KLRB1: variants seen among roughly 807,000 people sequenced by gnomAD.
KLRB1 encodes the protein killer cell lectin-like receptor subfamily B member 1.
Under a neutral mutation model 33.5 loss-of-function variants are expected in KLRB1, and 27 were observed. The observed-to-expected ratio is 0.81, with a 90% CI of 0.59 to 1.11. The LOEUF is 1.11. Ranked by LOEUF, KLRB1 falls within the 50% of genes most tolerant of loss-of-function variation. KLRB1 has a pLI of 0.00. For synonymous variants in KLRB1, 64 were observed against 88.9 expected, an observed-to-expected ratio of 0.72 and a Z score of 1.58; for missense variants, 241 against 254.1, an observed-to-expected ratio of 0.95 and a Z score of 0.35.
Position 9,598,686 on chromosome 12 carries a change from T to C in KLRB1, c.260-33A>G, listed in dbSNP as rs1332812839. 7 of 1,531,262 alleles carry C rather than the reference T, an allele frequency of 4.6e-6. No homozygotes were observed. In the Middle Eastern group the frequency reaches 5.2e-4, roughly 113 times the overall value. The allele number at this position is 1,531,262 out of a possible 1,614,324, so 94.9% of individuals were successfully genotyped here. A position where few individuals can be genotyped will look rare whatever the true frequency, so the allele number is the denominator to read the frequency against. On this transcript the variant is annotated intron_variant, in intron 3 of 5. Transcript: ENST00000229402. ...AAAAAACAGAAATAAGAAATAAATG[T>C]TATATTTCTAACCTATCCCTGACAC...
At chr12:9,606,761 T>TATA (rs1491174451) in intron 1 of KLRB1, among the ~76,000 whole-genome samples, 2,602 of 23,538 alleles carry the variant, frequency 0.11, 206 homozygotes, top group Non-Finnish European at 0.13. Flanking sequence ...TATATATATA[T>TATA]TTTTTTTTTT....
intron 1 of KLRB1, among the ~76,000 whole-genome samples, chr12:9,603,292 C>T (rs983305582): frequency 2.0e-5 from 3 of 152,144 alleles, no homozygotes; most frequent in Admixed American, 1.3e-4. Context: ...GCTTTCCTTC[C>T]AGTTTTATAT....
In KLRB1 at chr12:9,607,335, C is replaced by CCTTCCTTCCTTT. The variant is rs1864621978; in HGVS notation, c.85+419_85+420insAAAGGAAGGAAG. On this transcript the variant is annotated intron_variant, in intron 1 of 5. Coordinates refer to ENST00000229402, the MANE Select transcript of KLRB1 (RefSeq NM_002258.3). ...TTTCTTCTTTTCTTTCTCTTTCTTTCCTTTCTTTCTTTCTTTCTTCCTTTC... is the reference window on the plus strand; with the variant it reads ...TTTCTTCTTTTCTTTCTCTTTCTTTCCTTCCTTCCTTTCTTTCTTTCTTTCTTTCTTCCTTTC... Among the ~76,000 whole-genome samples, 89 of 65,250 alleles carry CCTTCCTTCCTTT rather than the reference C, an allele frequency of 1.4e-3. 1 individual carries two copies. Among genetic ancestry groups the CCTTCCTTCCTTT allele is most frequent in the South Asian group, 6.8e-3 (8 of 1,176 alleles). 42.8% of individuals were successfully genotyped at this position (65,250 alleles called of 152,430 possible). A position where few individuals can be genotyped will look rare whatever the true frequency, so the allele number is the denominator to read the frequency against.
rs190812141 is a variant in KLRB1, at chr12:9,606,112, G to A, written c.85+1643C>T. Among the ~76,000 whole-genome samples the A allele has an allele frequency of 2.6e-3, 395 of 152,020 alleles. 4 individuals carry two copies. Among genetic ancestry groups the A allele is most frequent in the Non-Finnish European group, 4.3e-3 (289 of 67,982 alleles). On this transcript the variant is annotated intron_variant, in intron 1 of 5. Transcript: ENST00000229402. The stretch of plus-strand genomic sequence containing the variant: ...AAAATTATACTGAAACTTAATTGAC[G>A]GCTCTAAGACTTTCTTCTTGACTTA...
intron 3 of KLRB1, among the ~76,000 whole-genome samples, chr12:9,599,277 C>A (rs896312208): frequency 5.9e-5 from 9 of 152,202 alleles, no homozygotes; most frequent in African/African-American, 2.2e-4. Flanking sequence ...AATGTGCACA[C>A]AGATCATATT....
rs769790958 is a variant in KLRB1, at chr12:9,598,580, A to G, written c.333T>C (p.Thr111=). The G allele has an allele frequency of 1.8e-5, 29 of 1,613,300 alleles. No homozygotes were observed. Among genetic ancestry groups the G allele is most frequent in the Non-Finnish European group, 2.5e-5 (29 of 1,179,454 alleles). ...LREKCLLFSH[T]VNPWNNSLAD... Reference sequence around the variant, plus strand: ...CTAGACTGTTATTCCAAGGGTTGACAGTGTGAGAAAATAACAAGCATTTCT... The same window carrying G: ...CTAGACTGTTATTCCAAGGGTTGACGGTGTGAGAAAATAACAAGCATTTCT... The change falls in exon 4 of 6, where the codon ACT becomes ACC. Residue 111 remains threonine (T), a synonymous_variant. Coordinates refer to ENST00000229402, the MANE Select transcript of KLRB1 (RefSeq NM_002258.3).
In KLRB1 at chr12:9,595,320, T is replaced by C; in HGVS notation, c.632A>G (p.Gln211Arg). ...YCSTEIRWIC[Q>R]KELTPVRNKV... ...ATTTCTCACAGGTGTTAGTTCTTTTTGGCAGATCCATCTGATTTCTGTACT... is the reference window on the plus strand; with the variant it reads ...ATTTCTCACAGGTGTTAGTTCTTTTCGGCAGATCCATCTGATTTCTGTACT... The change falls in exon 6 of 6, where the codon CAA (glutamine) becomes CGA (arginine). Residue 211 changes from glutamine (Q) to arginine (R), a missense_variant. Transcript: ENST00000229402. 6.2e-7 allele frequency: 1 copy of C among 1,613,494 alleles called. No homozygotes were observed. Among genetic ancestry groups the C allele is most frequent in the Non-Finnish European group, 8.5e-7 (1 of 1,179,558 alleles).
intron 1 of KLRB1, among the ~76,000 whole-genome samples, chr12:9,606,741 TATATATATATA>T (rs1864607246): frequency 1.3e-4 from 3 of 23,550 alleles, no homozygotes; most frequent in African/African-American, 5.0e-4. Context: ...AAAGTATATA[TATATATATATA>T]TATATATATT....
intron 1 of KLRB1, among the ~76,000 whole-genome samples, chr12:9,607,324 TCTCTTTCTTTC>T (rs1864619886): frequency 8.8e-6 from 1 of 114,024 alleles, no homozygotes; most frequent in Non-Finnish European, 2.0e-5. Context: ...TTCTTTTCTT[TCTCTTTCTTTC>T]CTTTCTTTCT....
intron 5 of KLRB1, among the ~76,000 whole-genome samples, chr12:9,596,842 A>C (rs890783820): frequency 6.6e-6 from 1 of 152,184 alleles, no homozygotes; most frequent in Non-Finnish European, 1.5e-5. Context: ...AAAGATAAAA[A>C]TAAATTAATA....
intron 2 of KLRB1, 82 bp from the exon 3 acceptor site, chr12:9,599,923 C>T: frequency 1.3e-6 from 1 of 763,014 alleles, no homozygotes; most frequent in Admixed American, 2.0e-5. Context: ...CTTTAGGAAA[C>T]TAGATAATCT....
Position 9,606,760 on chromosome 12 carries a change from ATT to A in KLRB1, c.85+993_85+994del, listed in dbSNP as rs1185510083. Among the ~76,000 whole-genome samples, 310 of 63,724 alleles carry A rather than the reference ATT, an allele frequency of 4.9e-3. 8 individuals are homozygous for A. The highest frequency in any genetic ancestry group is 8.4e-3 in the Admixed American group (38 of 4,508). 41.8% of individuals were successfully genotyped at this position (63,724 alleles called of 152,430 possible). ...TATATATATATATATATATATATAT[ATT>A]TTTTTTTTTTTTTTGAGATAGTCTT... On this transcript the variant is annotated intron_variant, in intron 1 of 5. Coordinates refer to ENST00000229402, the MANE Select transcript of KLRB1 (RefSeq NM_002258.3).
intron 2 of KLRB1, among the ~76,000 whole-genome samples, chr12:9,600,639 G>C (rs1190457914): frequency 1.3e-5 from 2 of 152,196 alleles, no homozygotes; most frequent in Middle Eastern, 3.2e-3. Flanking sequence ...GTCAACTCAA[G>C]AGTTGAATGG....
chr12:9,601,488 G>A lies in KLRB1; in HGVS notation c.184+13C>T. On this transcript the variant is annotated intron_variant, in intron 2 of 5. Coordinates refer to ENST00000229402, the MANE Select transcript of KLRB1 (RefSeq NM_002258.3). The stretch of plus-strand genomic sequence containing the variant: ...AGTAAGTATTATGAAACAGATGATG[G>A]TGCCCCACTTACCTGAAACACTCAA... The A allele has an allele frequency of 1.3e-6, 2 of 1,564,666 alleles. No individual in the cohort carries two copies. The highest frequency in any genetic ancestry group is 1.8e-6 in the Non-Finnish European group (2 of 1,135,074).
At chr12:9,600,441 G>A (rs1320245944) in intron 2 of KLRB1, among the ~76,000 whole-genome samples, 2 of 152,082 alleles carry the variant, frequency 1.3e-5, no homozygotes, top group Non-Finnish European at 2.9e-5. Flanking sequence ...CACTAAGATT[G>A]GGGTAGCCAA....
Position 9,607,380 on chromosome 12 carries a change from C to CTT in KLRB1, c.85+373_85+374dup, listed in dbSNP as rs1335905188. ...CCTTTCTTTCTTTCTTTCTTTCTTT[C>CTT]TTTCTTTCTTTCTTTCTTTCTTTCT... On this transcript the variant is annotated intron_variant, in intron 1 of 5. Coordinates refer to ENST00000229402, the MANE Select transcript of KLRB1 (RefSeq NM_002258.3). 3.6e-3 allele frequency among the ~76,000 whole-genome samples: 307 copies of CTT among 84,688 alleles called. 9 individuals carry two copies. Among genetic ancestry groups the CTT allele is most frequent in the Non-Finnish European group, 5.7e-3 (221 of 38,834 alleles). The allele number at this position is 84,688 out of a possible 152,430, so 55.6% of individuals were successfully genotyped here.
In KLRB1 at chr12:9,595,001, T is replaced by G; in HGVS notation, c.*273A>C. ...AACACAAAACAATCATATACCAATC[T>G]GGCATATTCGGGGACATCCTTCACT... On this transcript the variant is annotated 3_prime_UTR_variant, in exon 6 of 6. Coordinates refer to ENST00000229402, the MANE Select transcript of KLRB1 (RefSeq NM_002258.3). The G allele has an allele frequency of 5.5e-6, 2 of 366,100 alleles. No homozygotes were observed. Among genetic ancestry groups the G allele is most frequent in the Non-Finnish European group, 9.9e-6 (2 of 201,234 alleles). 22.7% of individuals were successfully genotyped at this position (366,100 alleles called of 1,614,324 possible).
chr12:9,603,164 A>T (rs772299069), intron 1 of KLRB1, among the ~76,000 whole-genome samples: 1 of 152,240 alleles, frequency 6.6e-6, no homozygotes, highest in African/African-American at 2.4e-5. Context: ...GGCCCCAGGG[A>T]TATATCTGAA....
intron 5 of KLRB1, among the ~76,000 whole-genome samples, chr12:9,596,866 C>T (rs1864496904): frequency 6.6e-6 from 1 of 152,108 alleles, no homozygotes; most frequent in South Asian, 2.1e-4. Context: ...AACCTACTTT[C>T]ATTTATTTGT....
Sources: allele counts gnomAD v4.1 joint callset (sites outside exome capture counted in the v4.1 genomes callset), GRCh38; gene constraint gnomAD v4.1.1; transcripts MANE v1.5; gene names NCBI Gene and HGNC (gene_info 2026-07-23, HGNC 2026-07-21).